Variants in SHROOM2 observed in about 807,000 individuals in gnomAD.
The protein encoded by SHROOM2 is shroom family member 2.
A neutral mutation model predicts 75.9 loss-of-function variants in SHROOM2; 33 were observed. The observed-to-expected ratio is 0.43, with a 90% confidence interval of 0.33 to 0.58. SHROOM2 has a LOEUF of 0.58. Among genes scored for constraint, SHROOM2 ranks in the 20% least tolerant of loss-of-function variants. The pLI is 0.04. For missense variants in SHROOM2, 1,434 were observed against 1,461.2 expected (o/e 0.98, Z 0.30); for synonymous variants, 655 against 663.6 (o/e 0.99, Z 0.20).
intron 1 of SHROOM2, among the ~76,000 whole-genome samples, chrX:9,828,079 G>A (rs971357076): frequency 8.9e-6 from 1 of 112,648 alleles, no homozygotes; most frequent in Non-Finnish European, 1.9e-5. Context: ...TCACTTGGCC[G>A]GGAAGGCCTC....
At chrX:9,873,521 G>A in intron 1 of SHROOM2, 131 bp from the exon 2 acceptor site, 4 of 692,412 alleles carry the variant, frequency 5.8e-6, no homozygotes, top group Non-Finnish European at 8.8e-6. Flanking sequence ...GATCCCCTGA[G>A]TGGTAATAAG....
At position 9,936,814 on chromosome X, in the gene SHROOM2, C is replaced by T. The variant is rs139880394; in HGVS notation, c.3588-320C>T. ...TTGTTGAAGTTTGCATTATCATCTG[C>T]GGAATGACAAATGGTATTAAATAGT... On this transcript the variant is annotated intron_variant, in intron 6 of 9. Transcript: ENST00000380913. Among the ~76,000 whole-genome samples the T allele has an allele frequency of 5.8e-3, 651 of 112,438 alleles. 2 individuals are homozygous for T. The highest frequency in any genetic ancestry group is 0.02 in the African/African-American group (606 of 31,001).
rs999730908 is a variant in SHROOM2, at chrX:9,941,359, A to G, written c.4311+1993A>G. On this transcript the variant is annotated intron_variant, in intron 8 of 9. Transcript: ENST00000380913. ...ATAGCAGATGGGCCTGCCAGACAGT[A>G]TGGACCACAGTGGTGAGCCCTTCAG... 2.7e-5 allele frequency among the ~76,000 whole-genome samples: 3 copies of G among 112,168 alleles called. No homozygotes were observed. The South Asian group carries it at 1.1e-3, about 42-fold the overall frequency.
Position 9,910,742 on chromosome X carries a change from A to G in SHROOM2, c.2891+12452A>G, listed in dbSNP as rs1023202907. Among the ~76,000 whole-genome samples the G allele has an allele frequency of 4.5e-5, 5 of 110,201 alleles. No homozygotes were observed. The East Asian group carries it at 1.4e-3, about 31-fold the overall frequency. On this transcript the variant is annotated intron_variant, in intron 5 of 9. Coordinates refer to ENST00000380913, the MANE Select transcript of SHROOM2 (RefSeq NM_001649.4). ...TGAGGCAGGTGAATTGCTTGAACCCAGGAGGCGGAGGTTGCAGTGAGCTGA... is the reference window on the plus strand; with the variant it reads ...TGAGGCAGGTGAATTGCTTGAACCCGGGAGGCGGAGGTTGCAGTGAGCTGA...
intron 5 of SHROOM2, among the ~76,000 whole-genome samples, chrX:9,916,706 T>G (rs2084493877): frequency 8.9e-6 from 1 of 112,456 alleles, no homozygotes; most frequent in Non-Finnish European, 1.9e-5. Context: ...CAGACTTTTT[T>G]GGTGCACTGA....
At chrX:9,882,432 T>C (rs1453393884) in intron 2 of SHROOM2, among the ~76,000 whole-genome samples, 1 of 111,563 alleles carries the variant, frequency 9.0e-6, no homozygotes, top group Non-Finnish European at 1.9e-5. Context: ...AATGATGATT[T>C]GACACCTGGG....
At chrX:9,905,753 G>A (rs892227109) in intron 5 of SHROOM2, among the ~76,000 whole-genome samples, 1 of 112,612 alleles carries the variant, frequency 8.9e-6, no homozygotes, top group Non-Finnish European at 1.9e-5. Flanking sequence ...GTGTATGTGT[G>A]TGTGGGAGTC....
At chrX:9,920,494 G>A (rs1186313530) in intron 5 of SHROOM2, among the ~76,000 whole-genome samples, 3 of 112,115 alleles carry the variant, frequency 2.7e-5, no homozygotes, top group Non-Finnish European at 5.6e-5. Flanking sequence ...TTAAGCTTTT[G>A]TCAATAATAG....
At chrX:9,906,644 C>T (rs1253873981) in intron 5 of SHROOM2, among the ~76,000 whole-genome samples, 3 of 111,545 alleles carry the variant, frequency 2.7e-5, no homozygotes, top group Admixed American at 9.5e-5. Flanking sequence ...AAATATTAGC[C>T]AGGTGTGGTG....
intron 2 of SHROOM2, among the ~76,000 whole-genome samples, chrX:9,882,278 G>T (rs909330716): frequency 1.9e-5 from 2 of 104,781 alleles, no homozygotes; most frequent in Non-Finnish European, 1.9e-5. Flanking sequence ...TATCCGTGGT[G>T]TTCATCCTTA....
chrX:9,905,713 G>A (rs926787501), intron 5 of SHROOM2, among the ~76,000 whole-genome samples: 1 of 112,889 alleles, frequency 8.9e-6, no homozygotes, highest in Non-Finnish European at 1.9e-5. Context: ...TCTAAATCAA[G>A]TGTTGTGGAT....
At chrX:9,923,613 C>T (rs769720638) in intron 5 of SHROOM2, among the ~76,000 whole-genome samples, 6 of 111,869 alleles carry the variant, frequency 5.4e-5, no homozygotes, top group African/African-American at 1.9e-4. Context: ...CTCATCAAGG[C>T]GGGAGAGCCC....
chrX:9,894,685 G>C lies in SHROOM2; in HGVS notation c.777G>C (p.Gln259His). Residue 259 changes from glutamine (Q) to histidine (H), a missense_variant, in exon 4 of 10, where the codon CAG becomes CAC. Transcript: ENST00000380913. ...GRQAQAAGDP[Q>H]GSEEKLSCFP... ...AGGCCCAGGCCGCAGGCGACCCTCA[G>C]GGCTCGGAGGAGAAGCTCAGTTGTT... is the stretch of plus-strand genomic sequence containing the variant. 8.3e-7 allele frequency: 1 copy of C among 1,209,961 alleles called. No individual in the cohort carries two copies. The highest frequency in any genetic ancestry group is 1.1e-6 in the Non-Finnish European group (1 of 894,462).
At chrX:9,881,115 T>C (rs1472304328) in intron 2 of SHROOM2, among the ~76,000 whole-genome samples, 1 of 110,984 alleles carries the variant, frequency 9.0e-6, no homozygotes, top group African/African-American at 3.3e-5. Context: ...ACTCGAGTAG[T>C]TCCGACGTCC....
intron 1 of SHROOM2, among the ~76,000 whole-genome samples, chrX:9,828,166 A>G (rs1485279563): frequency 8.9e-6 from 1 of 112,882 alleles, no homozygotes; most frequent in Non-Finnish European, 1.9e-5. Context: ...AGGCAAGAGC[A>G]GGGAAAACTG....
At chrX:9,938,414 G>A (rs1460198045) in intron 7 of SHROOM2, among the ~76,000 whole-genome samples, 3 of 110,292 alleles carry the variant, frequency 2.7e-5, no homozygotes, top group South Asian at 3.9e-4. Context: ...TTAGCCAGGC[G>A]TGGTGGTAGA....
intron 5 of SHROOM2, among the ~76,000 whole-genome samples, chrX:9,903,644 C>T (rs6640549): frequency 1.8e-5 from 2 of 110,054 alleles, no homozygotes; most frequent in African/African-American, 6.6e-5. Context: ...CCTGGGCTCA[C>T]GTGATCCTCC....
intron 1 of SHROOM2, among the ~76,000 whole-genome samples, chrX:9,810,952 T>C (rs937571485): frequency 2.8e-5 from 3 of 105,397 alleles, no homozygotes; most frequent in African/African-American, 4.1e-5. Flanking sequence ...CTTCTTTAGC[T>C]ATGAAATGAG....
Position 9,895,070 on chromosome X carries a change from C to T in SHROOM2, c.1162C>T (p.Pro388Ser), listed in dbSNP as rs1209230782. Reference protein sequence around the residue: ...LGKGSGGPGCPQEAHADGSWP... With the variant: ...LGKGSGGPGCSQEAHADGSWP... Reference sequence around the variant, plus strand: ...GAAGGGATCGGGAGGCCCGGGCTGCCCACAGGAGGCCCACGCAGACGGCAG... The same window carrying T: ...GAAGGGATCGGGAGGCCCGGGCTGCTCACAGGAGGCCCACGCAGACGGCAG... Residue 388 changes from proline to serine, a missense_variant, in exon 4 of 10, where the codon CCA becomes TCA. This residue lies in a region of SHROOM2 where 1,340 missense variants were observed against 1,338.3 expected (regional missense o/e 1.00). Transcript: ENST00000380913. 1 of 1,206,874 alleles carries T rather than the reference C, an allele frequency of 8.3e-7. No individual in the cohort carries two copies. The highest frequency in any genetic ancestry group is 1.7e-5 in the African/African-American group (1 of 57,432).
Sources: allele counts gnomAD v4.1 joint callset (sites outside exome capture counted in the v4.1 genomes callset), GRCh38; gene constraint gnomAD v4.1.1; regional missense constraint gnomAD v4.1.1; transcripts MANE v1.5; gene names NCBI Gene and HGNC (gene_info 2026-07-23, HGNC 2026-07-21).